The following KIF13A variants were observed in gnomAD, a reference collection of about 807,000 sequenced individuals.
KIF13A encodes the protein kinesin-like protein KIF13A.
Under a neutral mutation model 212.2 loss-of-function variants are expected in KIF13A, and 79 were observed. The observed-to-expected ratio is 0.37, with a 90% CI of 0.31 to 0.45. The LOEUF (loss-of-function observed/expected upper bound fraction) is 0.45, where lower values mean the gene tolerates loss of function less well. Ranked by LOEUF, KIF13A falls within the 20% of genes least tolerant of loss-of-function variation. The probability of loss-of-function intolerance (pLI) is 1.00; values close to 1 mark genes in which losing one functional copy is unlikely to be tolerated. For missense variants in KIF13A, 1,901 were observed against 2,209.0 expected (o/e 0.86, Z 2.79); for synonymous variants, 789 against 808.6 (o/e 0.98, Z 0.41).
At chr6:17,760,928 C>A (rs1426380708), downstream of KIF13A, 1 of 1,601,754 alleles carries the variant, frequency 6.2e-7, no homozygotes, top group African/African-American at 1.3e-5. Context: ...ACCTCCCCAC[C>A]CCACCCACAG....
intron 2 of KIF13A, among the ~76,000 whole-genome samples, chr6:17,913,221 G>A (rs1307623151): frequency 9.5e-6 from 1 of 105,650 alleles, no homozygotes; most frequent in Admixed American, 9.1e-5. Context: ...GGGATTACGG[G>A]AGGAGCAGGG....
chr6:17,987,261 C>A lies in KIF13A; in HGVS notation c.56-117G>T, dbSNP rs1365589815. On this transcript the variant is annotated intron_variant, in intron 1 of 38. Transcript: ENST00000259711. The surrounding 1 kb of genome is among the most constrained non-coding windows in gnomAD (Gnocchi z 7.7). ...TGGAGGCGGCCGAGCCTGGAGACGG[C>A]GCCCCGGGCACCACGGCCAGCGCGG... 1 of 880,976 alleles carries A rather than the reference C, an allele frequency of 1.1e-6. No individual in the cohort carries two copies. The highest frequency in any genetic ancestry group is 1.5e-6 in the Non-Finnish European group (1 of 670,792). The allele number at this position is 880,976 out of a possible 1,614,324, so 54.6% of individuals were successfully genotyped here. A position where few individuals can be genotyped will look rare whatever the true frequency, so the allele number is the denominator to read the frequency against.
Position 17,886,232 on chromosome 6 carries a change from G to T in KIF13A, c.159+11936C>A, listed in dbSNP as rs1235638467. Among the ~76,000 whole-genome samples, 1 of 152,152 alleles carries T rather than the reference G, an allele frequency of 6.6e-6. No homozygotes were observed. Among genetic ancestry groups the T allele is most frequent in the East Asian group, 1.9e-4 (1 of 5,194 alleles). ...GTCTGGCTCAGAACTTCTGGACCAA[G>T]ACCTCATTTCTTGTGCCTATCTCTC... On this transcript the variant is annotated intron_variant, in intron 3 of 38. Transcript: ENST00000259711. This position sits in a 1 kb window ranked among gnomAD's most constrained non-coding sequence, Gnocchi z 5.6.
intron 16 of KIF13A, among the ~76,000 whole-genome samples, chr6:17,819,682 T>C (rs1764266105): frequency 6.6e-6 from 1 of 152,184 alleles, no homozygotes; most frequent in Non-Finnish European, 1.5e-5. Flanking sequence ...TAACAACCTA[T>C]GTATTCCTAA....
chr6:17,851,394 A>T (rs2150400265), intron 7 of KIF13A, among the ~76,000 whole-genome samples: 1 of 152,354 alleles, frequency 6.6e-6, no homozygotes, highest in South Asian at 2.1e-4. Flanking sequence ...ATTCATTCAC[A>T]TCCTTTAGCA....
chr6:17,916,266 G>A (rs929113074), intron 2 of KIF13A, among the ~76,000 whole-genome samples: 1 of 152,122 alleles, frequency 6.6e-6, no homozygotes, highest in Non-Finnish European at 1.5e-5. Context: ...CAGTCAAGGG[G>A]GGATCCAAGG....
chr6:17,814,200 C>T (rs1182018513), intron 17 of KIF13A, among the ~76,000 whole-genome samples: 1 of 148,582 alleles, frequency 6.7e-6, no homozygotes, highest in Non-Finnish European at 1.5e-5. Context: ...ATCTGCCCGC[C>T]TTGGCCTCCC....
intron 4 of KIF13A, among the ~76,000 whole-genome samples, chr6:17,858,165 A>G (rs1000653142): frequency 1.3e-5 from 2 of 151,876 alleles, no homozygotes; most frequent in African/African-American, 2.4e-5. Context: ...TACAAATGCT[A>G]AAGTGTAAAA....
chr6:17,889,423 T>G (rs936748041), intron 3 of KIF13A, among the ~76,000 whole-genome samples: 2 of 152,162 alleles, frequency 1.3e-5, no homozygotes, highest in Admixed American at 1.3e-4. Context: ...ATTCACAAGC[T>G]CTAACACTCA....
chr6:17,866,422 T>C lies in KIF13A; in HGVS notation c.220+6955A>G, dbSNP rs182828865. ...AGGATGAGAGAGGAGAGGAGCACCA[T>C]AGGCTGGAGTAGAATCCATAAAATT... On this transcript the variant is annotated intron_variant, in intron 4 of 38. Transcript: ENST00000259711. Among the ~76,000 whole-genome samples the C allele has an allele frequency of 1.4e-3, 213 of 152,206 alleles. 2 individuals are homozygous for C. The highest frequency in any genetic ancestry group is 4.9e-3 in the African/African-American group (204 of 41,526).
intron 17 of KIF13A, among the ~76,000 whole-genome samples, chr6:17,815,883 T>C (rs1763888610): frequency 6.7e-6 from 1 of 149,722 alleles, no homozygotes; most frequent in Admixed American, 6.7e-5. Flanking sequence ...TTTAAAGTCA[T>C]AAATCTTTTC....
At chr6:17,815,305 G>GTTAC (rs58649007) in intron 17 of KIF13A, among the ~76,000 whole-genome samples, 1 of 151,676 alleles carries the variant, frequency 6.6e-6, no homozygotes, top group Non-Finnish European at 1.5e-5. Context: ...CAGGGAGACA[G>GTTAC]GCCTCTGGAT....
intron 2 of KIF13A, among the ~76,000 whole-genome samples, chr6:17,956,382 C>T (rs1778356707): frequency 6.6e-6 from 1 of 152,224 alleles, no homozygotes; most frequent in Non-Finnish European, 1.5e-5. Context: ...ATCAACCATG[C>T]AGCCAAGTGC....
At position 17,947,832 on chromosome 6, in the gene KIF13A, A is replaced by C. The variant is rs990912396; in HGVS notation, c.146+39222T>G. Among the ~76,000 whole-genome samples, 4 of 151,636 alleles carry C rather than the reference A, an allele frequency of 2.6e-5. No homozygotes were observed. The highest frequency in any genetic ancestry group is 5.9e-5 in the Non-Finnish European group (4 of 67,900). On this transcript the variant is annotated intron_variant, in intron 2 of 38. Coordinates refer to ENST00000259711, the MANE Select transcript of KIF13A (RefSeq NM_022113.6). This position sits in a 1 kb window ranked among gnomAD's most constrained non-coding sequence, Gnocchi z 4.6. Reference sequence around the variant, plus strand: ...CTCCAGCCTGTGTGACAAGAGCAAAACTCTGCTCAAAAAAAAAAAGAAAGC... The same window carrying C: ...CTCCAGCCTGTGTGACAAGAGCAAACCTCTGCTCAAAAAAAAAAAGAAAGC...
rs1330819782 is a variant in KIF13A at position 17,849,933 on chromosome 6, A to G, written c.717+390T>C. On this transcript the variant is annotated intron_variant, in intron 8 of 38. Transcript: ENST00000259711. This position sits in a 1 kb window ranked among gnomAD's most constrained non-coding sequence, Gnocchi z 5.7. ...TTCAGCATGAAAGGATATATATTAA[A>G]AGCTGTATGGTGATGTCATCACACT... 2.0e-5 allele frequency among the ~76,000 whole-genome samples: 3 copies of G among 152,216 alleles called. No individual in the cohort carries two copies. Among genetic ancestry groups the G allele is most frequent in the Non-Finnish European group, 2.9e-5 (2 of 68,030 alleles).
intron 3 of KIF13A, among the ~76,000 whole-genome samples, chr6:17,896,955 A>G (rs1013419430): frequency 1.3e-5 from 2 of 152,228 alleles, no homozygotes; most frequent in African/African-American, 4.8e-5. Flanking sequence ...AGTAGAGACC[A>G]GTTTTAGGGA....
chr6:17,835,161 G>A (rs772332882), intron 11 of KIF13A, among the ~76,000 whole-genome samples: 10 of 132,056 alleles, frequency 7.6e-5, no homozygotes, highest in South Asian at 2.4e-4. Context: ...ACTCCAGCCC[G>A]GGCAACAGAG....
intron 2 of KIF13A, among the ~76,000 whole-genome samples, chr6:17,924,273 T>C (rs1168560027): frequency 6.6e-6 from 1 of 152,224 alleles, no homozygotes; most frequent in Non-Finnish European, 1.5e-5. Context: ...AATATTTTCC[T>C]GACACTAATT....
At position 17,849,612 on chromosome 6, in the gene KIF13A, T is replaced by G; in HGVS notation, c.718-123A>C. The G allele has an allele frequency of 1.7e-6, 1 of 595,128 alleles. No homozygotes were observed. Among genetic ancestry groups the G allele is most frequent in the Non-Finnish European group, 2.9e-6 (1 of 345,370 alleles). The allele number at this position is 595,128 out of a possible 1,614,324, so 36.9% of individuals were successfully genotyped here. ...ACTCTCATATGGCAAATTTCTTAAG[T>G]TTTTAAACGGTCAGAAGAGTTATTT... On this transcript the variant is annotated intron_variant, in intron 8 of 38. Transcript: ENST00000259711. This position sits in a 1 kb window ranked among gnomAD's most constrained non-coding sequence, Gnocchi z 5.7.
Sources: allele counts gnomAD v4.1 joint callset (sites outside exome capture counted in the v4.1 genomes callset), GRCh38; gene constraint gnomAD v4.1.1; non-coding constraint Gnocchi (gnomAD v3.1); transcripts MANE v1.5; gene names NCBI Gene and HGNC (gene_info 2026-07-23, HGNC 2026-07-21).